FBXL17: variants seen among roughly 807,000 people sequenced by gnomAD.
The protein encoded by FBXL17 is F-box and leucine rich repeat protein 17.
In FBXL17, 22 loss-of-function variants were observed where a neutral mutation model predicts 66.2. The observed-to-expected ratio is 0.33, with a 90% CI of 0.24 to 0.47. FBXL17 has a LOEUF of 0.47. FBXL17 is among the 20% of genes least tolerant of loss of function. The pLI is 1.00. For synonymous variants in FBXL17, 474 were observed against 400.5 expected (o/e 1.18, Z -2.19); for missense variants, 878 against 948.2 (o/e 0.93, Z 0.97).
chr5:107,861,893 G>T, intron 8 of FBXL17, 33 bp from the exon 9 acceptor site: 1 of 1,463,458 alleles, frequency 6.8e-7, no homozygotes, highest in South Asian at 1.5e-5. Flanking sequence ...ATCACGCACA[G>T]AGACCACCAA....
At chr5:108,267,673 C>T (rs1443298451) in intron 4 of FBXL17, among the ~76,000 whole-genome samples, 2 of 151,980 alleles carry the variant, frequency 1.3e-5, no homozygotes, top group Non-Finnish European at 2.9e-5. Flanking sequence ...CACCACAGCA[C>T]TTACAATCTA....
intron 4 of FBXL17, chr5:108,299,620 A>G: frequency 1.0e-6 from 1 of 973,918 alleles, no homozygotes; most frequent in Non-Finnish European, 1.2e-6. Flanking sequence ...GAATACCTAT[A>G]CTTCAAAATG....
At chr5:108,220,568 C>A (rs751254720) in intron 5 of FBXL17, among the ~76,000 whole-genome samples, 52 of 152,060 alleles carry the variant, frequency 3.4e-4, no homozygotes, top group Non-Finnish European at 6.3e-4. Context: ...TGGAAGAAGT[C>A]CAGTTTCGTT....
At chr5:108,226,065 T>A (rs566299988) in intron 4 of FBXL17, among the ~76,000 whole-genome samples, 2 of 152,270 alleles carry the variant, frequency 1.3e-5, no homozygotes, top group Non-Finnish European at 2.9e-5. Flanking sequence ...TCCTAGTCCC[T>A]CTCTGTGTCT....
At chr5:108,119,676 C>T (rs1455479986) in intron 6 of FBXL17, among the ~76,000 whole-genome samples, 1 of 152,164 alleles carries the variant, frequency 6.6e-6, no homozygotes, top group African/African-American at 2.4e-5. Flanking sequence ...TGTATAGTAA[C>T]TTGTTACTTT....
At chr5:107,979,339 A>G (rs1388204192) in intron 7 of FBXL17, among the ~76,000 whole-genome samples, 1 of 152,190 alleles carries the variant, frequency 6.6e-6, no homozygotes, top group Non-Finnish European at 1.5e-5. Flanking sequence ...CAAGCTAATC[A>G]TATCATTACT....
chr5:107,907,790 AAAC>A (rs1749814482), intron 7 of FBXL17, among the ~76,000 whole-genome samples: 1 of 152,186 alleles, frequency 6.6e-6, no homozygotes, highest in South Asian at 2.1e-4. Context: ...AAAAGTCAGG[AAAC>A]AACAAGTGCT....
Position 108,380,922 on chromosome 5 carries a change from G to C in FBXL17, c.770C>G (p.Pro257Arg). The change falls in exon 1 of 9, where the codon CCG becomes CGG. Residue 257 changes from proline (P) to arginine (R), a missense_variant. Pro to Arg is a moderately radical substitution (Grantham distance 103). Around this residue, in one of 4 missense-constraint regions of FBXL17, gnomAD observed 605 missense variants for 509.5 expected, o/e 1.19. Transcript: ENST00000542267. ...GGGAGAAGAGGGCGGAGGGCAGAGC[G>C]GCTGCGGGGGCTGCTCCGGGGCCTG... ...CCQAPEQPPQPLCPPPSSPTS... is the reference protein window; with the variant it reads ...CCQAPEQPPQRLCPPPSSPTS... The C allele has an allele frequency of 1.6e-6, 2 of 1,222,460 alleles. No homozygotes were observed. Among genetic ancestry groups the C allele is most frequent in the Non-Finnish European group, 2.0e-6 (2 of 978,788 alleles). The allele number at this position is 1,222,460 out of a possible 1,614,324, so 75.7% of individuals were successfully genotyped here.
In FBXL17 at chr5:108,345,792, G is replaced by A. The variant is rs1251080703; in HGVS notation, c.1506+2607C>T. Among the ~76,000 whole-genome samples, 5 of 152,062 alleles carry A rather than the reference G, an allele frequency of 3.3e-5. 1 individual carries two copies. The highest frequency in any genetic ancestry group is 6.8e-3 in the Middle Eastern group (2 of 294). On this transcript the variant is annotated intron_variant, in intron 4 of 8. Transcript: ENST00000542267. ...TAAAGGCCAAGATATAATATGAAAA[G>A]ATGTATGTATACTCAAATACTACCA...
chr5:108,209,033 T>C (rs1328526479), intron 5 of FBXL17, among the ~76,000 whole-genome samples: 1 of 152,172 alleles, frequency 6.6e-6, no homozygotes, highest in East Asian at 1.9e-4. Flanking sequence ...TCATATCCCT[T>C]GTAAGTTGTA....
Position 107,960,426 on chromosome 5 carries a change from G to A in FBXL17, c.1822+60499C>T, listed in dbSNP as rs116609495. ...AAAACATATTCCTTCTCTCTAACTG[G>A]AACTTGTATCTTTGACCAACTCTCT... is the stretch of plus-strand genomic sequence containing the variant. On this transcript the variant is annotated intron_variant, in intron 7 of 8. Coordinates refer to ENST00000542267, the MANE Select transcript of FBXL17 (RefSeq NM_001163315.3). Among the ~76,000 whole-genome samples the A allele has an allele frequency of 5.8e-3, 888 of 152,112 alleles. 8 individuals carry two copies. The highest frequency in any genetic ancestry group is 0.021 in the African/African-American group (859 of 41,500).
chr5:108,274,782 C>T (rs1419854229), intron 4 of FBXL17, among the ~76,000 whole-genome samples: 3 of 152,180 alleles, frequency 2.0e-5, no homozygotes, highest in African/African-American at 7.2e-5. Context: ...GTTCTTCTGC[C>T]ATGGCTTCAG....
intron 6 of FBXL17, among the ~76,000 whole-genome samples, chr5:108,183,217 T>G (rs1753082129): frequency 6.6e-6 from 1 of 151,996 alleles, no homozygotes; most frequent in South Asian, 2.1e-4. Context: ...ATTTTTGTAT[T>G]TTTAGTAAAG....
intron 4 of FBXL17, among the ~76,000 whole-genome samples, chr5:108,225,601 T>C (rs1755067628): frequency 6.6e-6 from 1 of 152,180 alleles, no homozygotes; most frequent in Non-Finnish European, 1.5e-5. Context: ...GATCCTTTCC[T>C]AGCACTTTAG....
intron 6 of FBXL17, among the ~76,000 whole-genome samples, chr5:108,082,161 A>G (rs1748797283): frequency 1.3e-5 from 2 of 152,060 alleles, no homozygotes; most frequent in Admixed American, 1.3e-4. Context: ...TTTACATACG[A>G]GGATACATGA....
intron 6 of FBXL17, among the ~76,000 whole-genome samples, chr5:108,117,026 A>G (rs1355131164): frequency 6.6e-6 from 1 of 152,240 alleles, no homozygotes; most frequent in Non-Finnish European, 1.5e-5. Flanking sequence ...AGAATCTGAC[A>G]CATTGGGAAA....
intron 6 of FBXL17, among the ~76,000 whole-genome samples, chr5:108,074,107 T>C (rs1580405853): frequency 1.3e-5 from 2 of 152,184 alleles, no homozygotes; most frequent in African/African-American, 4.8e-5. Flanking sequence ...CAAGAATGTA[T>C]AAAACTGTAC....
At chr5:107,877,227 G>A (rs1472755816) in intron 8 of FBXL17, among the ~76,000 whole-genome samples, 1 of 152,200 alleles carries the variant, frequency 6.6e-6, no homozygotes, top group East Asian at 1.9e-4. Flanking sequence ...GGGGAATGCT[G>A]CATTGTTGCA....
chr5:108,020,604 C>T (rs1717385186), intron 7 of FBXL17, among the ~76,000 whole-genome samples: 1 of 151,696 alleles, frequency 6.6e-6, no homozygotes, highest in Non-Finnish European at 1.5e-5. Flanking sequence ...ATTTATTATG[C>T]TCAACATTTT....
Sources: gnomAD v4.1 joint callset for allele counts (sites outside exome capture counted in the v4.1 genomes callset) on GRCh38, gnomAD v4.1.1 for gene constraint, gnomAD v4.1.1 regional missense constraint, MANE v1.5 for transcripts, NCBI Gene and HGNC (gene_info 2026-07-23, HGNC 2026-07-21) for gene names.